Variants in BCAS3 observed in about 807,000 individuals in gnomAD.
BCAS3 encodes the protein BCAS4/BCAS3 fusion.
BCAS3 carries 53 observed loss-of-function variants against 116.1 expected under a neutral mutation model. The observed-to-expected ratio is 0.46, with a 90% CI of 0.37 to 0.57. The LOEUF (loss-of-function observed/expected upper bound fraction) is 0.57. Among genes scored for constraint, BCAS3 ranks in the 20% least tolerant of loss-of-function variants. BCAS3 has a pLI of 0.00. For synonymous variants in BCAS3, 391 were observed against 408.2 expected, an observed-to-expected ratio of 0.96 and a Z score of 0.51; for missense variants, 917 against 1,165.4, an observed-to-expected ratio of 0.79 and a Z score of 3.10.
intron 22 of BCAS3, among the ~76,000 whole-genome samples, chr17:61,173,076 G>A (rs917632740): frequency 6.6e-6 from 1 of 152,104 alleles, no homozygotes; most frequent in African/African-American, 2.4e-5. Flanking sequence ...AGCCTTAAGG[G>A]ATTTGGAAAA....
intron 3 of BCAS3, among the ~76,000 whole-genome samples, chr17:60,686,682 C>A (rs555075424): frequency 1.3e-5 from 2 of 152,050 alleles, no homozygotes; most frequent in African/African-American, 4.8e-5. Context: ...TGTGCCAACA[C>A]GCCCGGCCAA....
intron 22 of BCAS3, among the ~76,000 whole-genome samples, chr17:61,184,403 G>T (rs1160877038): frequency 6.6e-6 from 1 of 152,142 alleles, no homozygotes; most frequent in African/African-American, 2.4e-5. Flanking sequence ...TTGGGGAAAT[G>T]ATACTGTGTA....
rs1319430155 is a variant in BCAS3 at position 61,203,922 on chromosome 17, C to T, written c.2425+119358C>T. Among the ~76,000 whole-genome samples the T allele has an allele frequency of 1.3e-5, 2 of 152,154 alleles. No individual in the cohort carries two copies. The highest frequency in any genetic ancestry group is 2.4e-5 in the African/African-American group (1 of 41,428). ...AGAGGCAAAGGGCAGAGAATGGAAC[C>T]AAGAGATCATTCAAAATGGGGTTCA... On this transcript the variant is annotated intron_variant, in intron 22 of 23. Coordinates refer to ENST00000407086, the MANE Select transcript of BCAS3 (RefSeq NM_017679.5). The surrounding 1 kb of genome is among the most constrained non-coding windows in gnomAD (Gnocchi z 5.7).
At chr17:60,848,677 A>G (rs2052753735) in intron 7 of BCAS3, among the ~76,000 whole-genome samples, 1 of 151,646 alleles carries the variant, frequency 6.6e-6, no homozygotes, top group Non-Finnish European at 1.5e-5. Flanking sequence ...TTCATGAGCC[A>G]TTTATCATGT....
chr17:61,066,135 G>A (rs2070587849), intron 19 of BCAS3, among the ~76,000 whole-genome samples: 1 of 152,172 alleles, frequency 6.6e-6, no homozygotes, highest in Non-Finnish European at 1.5e-5. Flanking sequence ...GAGTAGAACA[G>A]CTTCTTAACA....
intron 14 of BCAS3, 69 bp downstream of exon 14, chr17:60,947,421 A>G: frequency 6.9e-7 from 1 of 1,449,688 alleles, no homozygotes; most frequent in Non-Finnish European, 9.5e-7. Flanking sequence ...CTGGTCATTT[A>G]TATTACATTG....
chr17:60,703,836 C>T (rs915345713), intron 4 of BCAS3, among the ~76,000 whole-genome samples: 3 of 151,188 alleles, frequency 2.0e-5, no homozygotes, highest in Admixed American at 2.0e-4. Context: ...ATGGCGTGAA[C>T]CCGAGAGGCG....
chr17:61,262,086 T>G (rs1466780972), intron 22 of BCAS3, among the ~76,000 whole-genome samples: 1 of 152,208 alleles, frequency 6.6e-6, no homozygotes, highest in Non-Finnish European at 1.5e-5. Flanking sequence ...TGACCTTATT[T>G]GCAGATTATA....
chr17:60,907,091 C>G (rs535783211), intron 11 of BCAS3, among the ~76,000 whole-genome samples: 1 of 152,122 alleles, frequency 6.6e-6, no homozygotes, highest in South Asian at 2.1e-4. Context: ...ACTTGGAGCT[C>G]CTTAGAGGAA....
intron 13 of BCAS3, among the ~76,000 whole-genome samples, chr17:60,946,443 GAA>G (rs2060500263): frequency 6.6e-6 from 1 of 152,118 alleles, no homozygotes; most frequent in Non-Finnish European, 1.5e-5. Flanking sequence ...TCAAAATTAA[GAA>G]CTTTCTCTGT....
At chr17:60,989,867 G>A (rs1054521396) in intron 14 of BCAS3, 104 bp from the exon 15 acceptor site, 4 of 1,239,348 alleles carry the variant, frequency 3.2e-6, no homozygotes, top group Non-Finnish European at 4.6e-6. Flanking sequence ...GGTACATTTG[G>A]TAATGAGGCA....
At chr17:60,812,711 A>G (rs2048951710) in intron 7 of BCAS3, among the ~76,000 whole-genome samples, 1 of 152,074 alleles carries the variant, frequency 6.6e-6, no homozygotes, top group African/African-American at 2.4e-5. Context: ...ACATATGTAC[A>G]GTTGAGTTTA....
Position 61,285,026 on chromosome 17 carries a change from C to T in BCAS3, c.2426-83301C>T, listed in dbSNP as rs927483894. On this transcript the variant is annotated intron_variant, in intron 22 of 23. Transcript: ENST00000407086. This position sits in a 1 kb window ranked among gnomAD's most constrained non-coding sequence, Gnocchi z 5.4. ...CTGTAGGCTTCTGAAAGCTTTGCTG[C>T]CCTAAATTCCTGTCCTTGGTCTCTG... Among the ~76,000 whole-genome samples, 5 of 152,162 alleles carry T rather than the reference C, an allele frequency of 3.3e-5. No homozygotes were observed. In the East Asian group the frequency reaches 7.7e-4, roughly 23 times the overall value.
chr17:60,788,665 T>G (rs1233835577), intron 6 of BCAS3, among the ~76,000 whole-genome samples: 3 of 152,148 alleles, frequency 2.0e-5, no homozygotes, highest in Non-Finnish European at 4.4e-5. Flanking sequence ...TGATGGTGCC[T>G]GGAGCCTCTC....
chr17:61,357,277 T>TTAAA (rs1225130789), intron 22 of BCAS3, among the ~76,000 whole-genome samples: 7 of 144,848 alleles, frequency 4.8e-5, no homozygotes, highest in African/African-American at 5.2e-5. Flanking sequence ...AATTAATTAA[T>TTAAA]TAAATAAATA....
At position 61,290,929 on chromosome 17, in the gene BCAS3, T is replaced by C. The variant is rs535026341; in HGVS notation, c.2426-77398T>C. Among the ~76,000 whole-genome samples the C allele has an allele frequency of 6.8e-3, 1,042 of 152,226 alleles. 6 individuals carry two copies. Among genetic ancestry groups the C allele is most frequent in the Non-Finnish European group, 0.011 (742 of 68,008 alleles). On this transcript the variant is annotated intron_variant, in intron 22 of 23. Coordinates refer to ENST00000407086, the MANE Select transcript of BCAS3 (RefSeq NM_017679.5). ...CCAAGTAGCTGGGACTACAGGTGCC[T>C]GCCACCACGCCCGGCTAATTTTTTG...
rs1352758667 is a variant in BCAS3, at chr17:61,185,174, C to T, written c.2425+100610C>T. Among the ~76,000 whole-genome samples, 6 of 152,074 alleles carry T rather than the reference C, an allele frequency of 3.9e-5. No individual in the cohort carries two copies. The South Asian group carries it at 1.2e-3, about 32-fold the overall frequency. On this transcript the variant is annotated intron_variant, in intron 22 of 23. Coordinates refer to ENST00000407086, the MANE Select transcript of BCAS3 (RefSeq NM_017679.5). The stretch of plus-strand genomic sequence containing the variant: ...ACCTGTAAGGCTTTGGTTGACTTGC[C>T]AGAATCAACTTGCCAATGCAAACCA...
intron 7 of BCAS3, among the ~76,000 whole-genome samples, chr17:60,846,522 G>A (rs1322862217): frequency 6.6e-6 from 1 of 152,164 alleles, no homozygotes; most frequent in African/African-American, 2.4e-5. Flanking sequence ...CAGTTGTTGA[G>A]AGAAGTATGT....
chr17:60,737,812 G>A (rs1225868854), intron 5 of BCAS3, among the ~76,000 whole-genome samples: 1 of 151,506 alleles, frequency 6.6e-6, no homozygotes, highest in Non-Finnish European at 1.5e-5. Context: ...TTGAGATGGA[G>A]TCTCACTCTT....
Sources: gnomAD v4.1 joint callset for allele counts (sites outside exome capture counted in the v4.1 genomes callset) on GRCh38, gnomAD v4.1.1 for gene constraint, Gnocchi (gnomAD v3.1) non-coding constraint, MANE v1.5 for transcripts, NCBI Gene and HGNC (gene_info 2026-07-23, HGNC 2026-07-21) for gene names.